FBXO39: variants seen among roughly 807,000 people sequenced by gnomAD.
FBXO39 encodes F-box only protein 39.
In FBXO39, 22 loss-of-function variants were observed where a neutral mutation model predicts 36.6. The observed-to-expected ratio is 0.60, with a 90% CI of 0.43 to 0.86. FBXO39 has a LOEUF of 0.86. FBXO39 is among the 40% of genes least tolerant of loss of function. The pLI is 0.00. For synonymous variants in FBXO39, 206 were observed against 205.8 expected, an observed-to-expected ratio of 1.00 and a Z score of -0.01; for missense variants, 536 against 543.9, an observed-to-expected ratio of 0.99 and a Z score of 0.14.
chr17:6,777,152 T>TA (rs1183989302), intron 1 of FBXO39, among the ~76,000 whole-genome samples: 1 of 152,122 alleles, frequency 6.6e-6, no homozygotes, highest in African/African-American at 2.4e-5. Context: ...GCAGGTTTGT[T>TA]ACATAGGTAT....
intron 1 of FBXO39, among the ~76,000 whole-genome samples, chr17:6,776,904 A>C (rs1000299392): frequency 2.7e-4 from 41 of 151,130 alleles, no homozygotes; most frequent in Non-Finnish European, 3.5e-4. Context: ...ACTAAGCTAC[A>C]CTGCCTCTGA....
intron 2 of FBXO39, among the ~76,000 whole-genome samples, chr17:6,781,987 T>C (rs370121393): frequency 6.6e-6 from 1 of 152,180 alleles, no homozygotes; most frequent in African/African-American, 2.4e-5. Context: ...AACACTGGAA[T>C]TGTGTGAGTA....
intron 2 of FBXO39, among the ~76,000 whole-genome samples, chr17:6,783,028 A>G (rs1976527219): frequency 6.6e-6 from 1 of 152,154 alleles, no homozygotes; most frequent in Non-Finnish European, 1.5e-5. Context: ...TAGGTCACAA[A>G]AAAGTCTTAA....
intron 1 of FBXO39, among the ~76,000 whole-genome samples, chr17:6,779,210 A>G (rs1001722307): frequency 6.6e-6 from 1 of 152,194 alleles, no homozygotes; most frequent in Non-Finnish European, 1.5e-5. Context: ...CACATCACGC[A>G]GGACCCCTTG....
At chr17:6,784,201 TA>T (rs1260314139) in intron 2 of FBXO39, among the ~76,000 whole-genome samples, 1 of 152,104 alleles carries the variant, frequency 6.6e-6, no homozygotes, top group African/African-American at 2.4e-5. Flanking sequence ...AAGCATTTGA[TA>T]AAATTCAACA....
intron 2 of FBXO39, among the ~76,000 whole-genome samples, chr17:6,784,367 C>T (rs117596108): frequency 6.6e-6 from 1 of 151,992 alleles, no homozygotes; most frequent in African/African-American, 2.4e-5. Flanking sequence ...GCAAGGATGC[C>T]ACTGTTACCA....
chr17:6,786,450 T>C (rs1205039199), intron 2 of FBXO39, among the ~76,000 whole-genome samples: 2 of 152,066 alleles, frequency 1.3e-5, no homozygotes, highest in Non-Finnish European at 1.5e-5. Context: ...CGACAGGGTG[T>C]CTATAGTCAA....
rs1394968378 is a variant in FBXO39, at chr17:6,780,500, A to G, written c.632A>G (p.Tyr211Cys). ...EDYFSHHLAV[Y>C]NSPQFKKTMS... The stretch of plus-strand genomic sequence containing the variant: ...TATTTCAGCCATCACCTTGCTGTCT[A>G]CAACAGCCCCCAGTTCAAAAAGACC... The change falls in exon 2 of 4, where the codon TAC (tyrosine) becomes TGC (cysteine). Residue 211 changes from tyrosine (Y) to cysteine (C), a missense_variant. Transcript: ENST00000321535. 3.1e-6 allele frequency: 5 copies of G among 1,614,168 alleles called. No individual in the cohort carries two copies. Among genetic ancestry groups the G allele is most frequent in the Non-Finnish European group, 4.2e-6 (5 of 1,180,028 alleles).
rs1976589604 is a variant in FBXO39, at chr17:6,787,405, G to A, written c.1306G>A (p.Val436Ile). 1 of 1,614,052 alleles carries A rather than the reference G, an allele frequency of 6.2e-7. No homozygotes were observed. Among genetic ancestry groups the A allele is most frequent in the Non-Finnish European group, 8.5e-7 (1 of 1,179,946 alleles). Residue 436 changes from valine (V) to isoleucine (I), a missense_variant, in exon 4 of 4, where the codon GTC becomes ATC. By Grantham distance (29) the Val-to-Ile change is conservative. Coordinates refer to ENST00000321535, the MANE Select transcript of FBXO39 (RefSeq NM_153230.3). ...KLIESELSYF[V>I]IVYSVM The stretch of plus-strand genomic sequence containing the variant: ...GATCGAATCAGAGCTTAGCTATTTT[G>A]TCATCGTTTACTCTGTGATGTAATG...
intron 2 of FBXO39, among the ~76,000 whole-genome samples, chr17:6,783,293 G>A (rs1471050772): frequency 6.6e-6 from 1 of 151,960 alleles, no homozygotes; most frequent in African/African-American, 2.4e-5. Flanking sequence ...ATAGCTATAA[G>A]CGCCTACATC....
At chr17:6,780,986 G>A in intron 2 of FBXO39, 95 bp downstream of exon 2, 1 of 1,316,824 alleles carries the variant, frequency 7.6e-7, no homozygotes, top group Non-Finnish European at 1.0e-6. Context: ...GCTCCCAAAT[G>A]TTCACTCAAT....
rs189309717 is a variant in FBXO39 at position 6,777,596 on chromosome 17, T to C, written c.-81+1324T>C. On this transcript the variant is annotated intron_variant, in intron 1 of 3. Coordinates refer to ENST00000321535, the MANE Select transcript of FBXO39 (RefSeq NM_153230.3). ...CTTCTGCAGCACCTTTTAGGAGCTTTGCTTGGTGGTGAGTGCTGTGGAGAT... is the reference window on the plus strand; with the variant it reads ...CTTCTGCAGCACCTTTTAGGAGCTTCGCTTGGTGGTGAGTGCTGTGGAGAT... Among the ~76,000 whole-genome samples the C allele has an allele frequency of 2.0e-5, 3 of 152,344 alleles. No homozygotes were observed. The East Asian group carries it at 5.8e-4, about 29-fold the overall frequency.
At chr17:6,781,508 G>T (rs1976508843) in intron 2 of FBXO39, among the ~76,000 whole-genome samples, 1 of 152,118 alleles carries the variant, frequency 6.6e-6, no homozygotes, top group Non-Finnish European at 1.5e-5. Flanking sequence ...ACAGGTTTAT[G>T]TATCTCTACA....
chr17:6,784,929 A>ATATATATATATATGTGTG (rs1491434533), intron 2 of FBXO39, among the ~76,000 whole-genome samples: 108 of 136,014 alleles, frequency 7.9e-4, no homozygotes, highest in African/African-American at 3.0e-3. Flanking sequence ...ATATATATAT[A>ATATATATATATATGTGTG]TGTGTGTGTG....
At chr17:6,784,308 T>C (rs1216016969) in intron 2 of FBXO39, among the ~76,000 whole-genome samples, 2 of 152,098 alleles carry the variant, frequency 1.3e-5, no homozygotes, top group Non-Finnish European at 2.9e-5. Context: ...ACTAGTATCA[T>C]ATTGAATGGA....
chr17:6,782,378 CA>C (rs1226342866), intron 2 of FBXO39, among the ~76,000 whole-genome samples: 1 of 152,012 alleles, frequency 6.6e-6, no homozygotes, highest in Non-Finnish European at 1.5e-5. Context: ...GAGAAGACCG[CA>C]AAAAACCAGA....
In FBXO39 at chr17:6,780,660, C is replaced by T. The variant is rs375399858; in HGVS notation, c.792C>T (p.His264=). 1.3e-4 allele frequency: 211 copies of T among 1,614,128 alleles called. No individual in the cohort carries two copies. The highest frequency in any genetic ancestry group is 1.7e-4 in the Admixed American group (10 of 60,020). The change falls in exon 2 of 4, where the codon CAC becomes CAT. Residue 264 remains histidine (H), a synonymous_variant. Transcript: ENST00000321535. ...INIKCHVHDP[H]GQVIWGMSWA... ...TCAAATGCCACGTTCATGACCCCCACGGACAGGTCATCTGGGGTATGTCCT... is the reference window on the plus strand; with the variant it reads ...TCAAATGCCACGTTCATGACCCCCATGGACAGGTCATCTGGGGTATGTCCT...
intron 1 of FBXO39, among the ~76,000 whole-genome samples, chr17:6,778,628 G>C (rs1976463098): frequency 6.6e-6 from 1 of 152,200 alleles, no homozygotes; most frequent in Non-Finnish European, 1.5e-5. Flanking sequence ...AGTAGTCAGT[G>C]AGAGCTTTAA....
Position 6,787,578 on chromosome 17 carries a change from C to A in FBXO39, c.*150C>A. The A allele has an allele frequency of 1.2e-6, 1 of 855,536 alleles. No individual in the cohort carries two copies. The highest frequency in any genetic ancestry group is 2.8e-5 in the East Asian group (1 of 36,226). The allele number at this position is 855,536 out of a possible 1,614,324, so 53.0% of individuals were successfully genotyped here. ...CAGCTCCATGACAACATGACCAGCT[C>A]AGCAAAGGCTGAGACTGCCCATGAC... On this transcript the variant is annotated 3_prime_UTR_variant, in exon 4 of 4. Coordinates refer to ENST00000321535, the MANE Select transcript of FBXO39 (RefSeq NM_153230.3).
Sources: allele counts gnomAD v4.1 joint callset (sites outside exome capture counted in the v4.1 genomes callset), GRCh38; gene constraint gnomAD v4.1.1; transcripts MANE v1.5; gene names NCBI Gene and HGNC (gene_info 2026-07-23, HGNC 2026-07-21).